The following MESD variants were observed in gnomAD, a reference collection of about 807,000 sequenced individuals.
MESD encodes the protein LRP chaperone MESD.
In MESD, 7 loss-of-function variants were observed where a neutral mutation model predicts 12.9. The observed-to-expected ratio is 0.54, with a 90% CI of 0.31 to 1.02. The LOEUF is 1.02. Ranked by LOEUF, MESD falls within the 50% of genes least tolerant of loss-of-function variation. The pLI is 0.05. For missense variants in MESD, 342 were observed against 296.7 expected (o/e 1.15, Z -1.12); for synonymous variants, 126 against 115.6 (o/e 1.09, Z -0.58).
chr15:80,952,811 A>G (rs545879284), intron 3 of MESD: 1 of 365,960 alleles, frequency 2.7e-6, no homozygotes, highest in Admixed American at 3.4e-5. Context: ...CCTTCAGGAA[A>G]CTTTGCCAGG....
intron 3 of MESD, among the ~76,000 whole-genome samples, chr15:80,953,636 G>C (rs1901900349): frequency 6.6e-6 from 1 of 152,178 alleles, no homozygotes; most frequent in Non-Finnish European, 1.5e-5. Context: ...GCATAGGAAT[G>C]AACTAAGTGA....
chr15:80,979,556 A>C (rs1902518241), intron 2 of MESD, 79 bp from the exon 3 acceptor site: 1 of 1,483,226 alleles, frequency 6.7e-7, no homozygotes, highest in Non-Finnish European at 9.1e-7. Flanking sequence ...TCTGGCACTT[A>C]TCAGTTTATT....
chr15:80,988,640 CTT>C (rs1460384788), intron 1 of MESD, among the ~76,000 whole-genome samples: 1 of 152,198 alleles, frequency 6.6e-6, no homozygotes. Flanking sequence ...ATTTTAAACT[CTT>C]GTCTGAAAGT....
intron 3 of MESD, chr15:80,970,651 C>T (rs1430971244): frequency 6.6e-6 from 1 of 152,236 alleles, no homozygotes; most frequent in Non-Finnish European, 1.5e-5. Context: ...GGAACTTTCC[C>T]GCTCAGACCT....
chr15:80,971,218 C>T (rs1457838574), downstream of MESD, among the ~76,000 whole-genome samples: 1 of 152,180 alleles, frequency 6.6e-6, no homozygotes, highest in Non-Finnish European at 1.5e-5. Flanking sequence ...CAGCTCCAAG[C>T]CCTGGCCTCA....
intron 1 of MESD, among the ~76,000 whole-genome samples, chr15:80,983,218 G>C (rs1005783830): frequency 6.6e-6 from 1 of 151,776 alleles, no homozygotes; most frequent in Admixed American, 6.6e-5. Context: ...ATTCCAGCCT[G>C]GGAGACAGAA....
At chr15:80,947,837 G>A (rs1312781545) in exon 5 of MESD, 1 of 152,180 alleles carries the variant, frequency 6.6e-6, no homozygotes, top group Non-Finnish European at 1.5e-5. Context: ...TTTAAGATGA[G>A]GACACCAAGA....
chr15:80,972,755 G>C (rs1229991644), downstream of MESD, among the ~76,000 whole-genome samples: 4 of 152,228 alleles, frequency 2.6e-5, no homozygotes, highest in Non-Finnish European at 5.9e-5. Context: ...GGGCGCAGTG[G>C]CTCACGCCTG....
rs541594579 is a variant in MESD, at chr15:80,987,537, G to A, written c.213+2042C>T. On this transcript the variant is annotated intron_variant, in intron 1 of 2. Transcript: ENST00000261758. ...AGAGTCTCACCCTGTCGCCCAGGCT[G>A]GAGTGCAGTGGCATGATCTTGGCTC... is the stretch of plus-strand genomic sequence containing the variant. Among the ~76,000 whole-genome samples, 4 of 151,344 alleles carry A rather than the reference G, an allele frequency of 2.6e-5. No individual in the cohort carries two copies. The South Asian group carries it at 8.4e-4, about 32-fold the overall frequency.
chr15:80,953,228 T>TG (rs964622577), intron 3 of MESD, among the ~76,000 whole-genome samples: 8 of 151,000 alleles, frequency 5.3e-5, no homozygotes, highest in African/African-American at 2.0e-4. Flanking sequence ...TGAAAGAGGG[T>TG]GGGGGGTTAC....
chr15:80,952,262 G>T, exon 4 of MESD: 1 of 456,172 alleles, frequency 2.2e-6, no homozygotes, highest in Non-Finnish European at 4.4e-6. Context: ...ACAGGTAGAG[G>T]GCACCTCAGG....
downstream of MESD, among the ~76,000 whole-genome samples, chr15:80,972,560 G>A (rs974935875): frequency 2.0e-5 from 3 of 152,212 alleles, no homozygotes; most frequent in Admixed American, 6.5e-5. Flanking sequence ...GACATGGATC[G>A]TGAGGCAGAG....
chr15:80,964,451 A>G (rs765665072), intron 3 of MESD, among the ~76,000 whole-genome samples: 20 of 152,232 alleles, frequency 1.3e-4, no homozygotes, highest in Non-Finnish European at 2.5e-4. Flanking sequence ...TCTTCACAGA[A>G]TTGGAAAAAA....
intron 3 of MESD, chr15:80,952,438 A>T (rs1489670693): frequency 1.0e-5 from 3 of 292,220 alleles, no homozygotes; most frequent in African/African-American, 6.6e-5. Context: ...TTAAAAATGC[A>T]GTTCCTCAAT....
chr15:80,986,945 T>C (rs1452579759), intron 1 of MESD, among the ~76,000 whole-genome samples: 1 of 152,186 alleles, frequency 6.6e-6, no homozygotes, highest in Non-Finnish European at 1.5e-5. Context: ...TCCTACCCGG[T>C]TCCATTTAAT....
intron 3 of MESD, among the ~76,000 whole-genome samples, chr15:80,965,754 G>T (rs899874911): frequency 1.3e-5 from 2 of 152,156 alleles, no homozygotes; most frequent in African/African-American, 4.8e-5. Context: ...GCTGAATAAT[G>T]AGAACACATG....
chr15:80,983,707 G>A (rs1902648094), intron 1 of MESD, among the ~76,000 whole-genome samples: 1 of 152,092 alleles, frequency 6.6e-6, no homozygotes, highest in Non-Finnish European at 1.5e-5. Flanking sequence ...GTAGTAAAGT[G>A]CTCAAAGAAT....
chr15:80,967,207 A>G (rs996090155), intron 3 of MESD, among the ~76,000 whole-genome samples: 7 of 152,050 alleles, frequency 4.6e-5, no homozygotes, highest in Admixed American at 4.6e-4. Context: ...CAGGAGAATC[A>G]CTTGAACCCG....
intron 1 of MESD, among the ~76,000 whole-genome samples, chr15:80,988,213 C>A (rs2141818845): frequency 6.6e-6 from 1 of 152,302 alleles, no homozygotes; most frequent in South Asian, 2.1e-4. Flanking sequence ...GTTATTTAAC[C>A]TCTTTGTGTC....
Sources: allele counts gnomAD v4.1 joint callset (sites outside exome capture counted in the v4.1 genomes callset), GRCh38; gene constraint gnomAD v4.1.1; transcripts MANE v1.5; gene names NCBI Gene and HGNC (gene_info 2026-07-23, HGNC 2026-07-21).